PTER: variants seen among roughly 807,000 people sequenced by gnomAD.
PTER encodes the protein phosphotriesterase related.
PTER carries 38 observed loss-of-function variants against 29.6 expected under a neutral mutation model. That is an observed-to-expected ratio of 1.28 (90% CI 0.99 to 1.68). The LOEUF (loss-of-function observed/expected upper bound fraction) is 1.68. PTER is among the 40% of genes most tolerant of loss of function. The pLI, the probability that PTER is intolerant of heterozygous loss-of-function variation, is 0.00. For synonymous variants in PTER, 172 were observed against 154.5 expected (o/e 1.11, Z -0.84); for missense variants, 482 against 427.8 (o/e 1.13, Z -1.12).
intron 1 of PTER, among the ~76,000 whole-genome samples, chr10:16,478,061 T>A (rs891848793): frequency 1.3e-5 from 2 of 152,236 alleles, no homozygotes; most frequent in African/African-American, 2.4e-5. Flanking sequence ...TATGTTTCAC[T>A]CTCAGGAATA....
At position 16,512,507 on chromosome 10, in the gene PTER, T is replaced by C. The variant is rs913037689; in HGVS notation, c.*1251T>C. The stretch of plus-strand genomic sequence containing the variant: ...TTCTTGATGAAGAGTCTGTTTTTAA[T>C]CATAAAAATCATGACAGTTACTCAG... On this transcript the variant is annotated 3_prime_UTR_variant, in exon 5 of 5. Coordinates refer to ENST00000535784, the MANE Select transcript of PTER (RefSeq NM_001261836.2). 5.9e-5 allele frequency: 9 copies of C among 152,114 alleles called. No individual in the cohort carries two copies. Among genetic ancestry groups the C allele is most frequent in the African/African-American group, 2.2e-4 (9 of 41,444 alleles). The allele number at this position is 152,114 out of a possible 1,614,324, so 9.4% of individuals were successfully genotyped here.
chr10:16,446,065 G>A (rs892420731), intron 1 of PTER, among the ~76,000 whole-genome samples: 7 of 152,084 alleles, frequency 4.6e-5, no homozygotes, highest in East Asian at 1.9e-4. Flanking sequence ...CAGATATTTC[G>A]GAGCAGCTCA....
intron 1 of PTER, among the ~76,000 whole-genome samples, chr10:16,468,572 A>G (rs1298710298): frequency 6.6e-6 from 1 of 152,180 alleles, no homozygotes; most frequent in Non-Finnish European, 1.5e-5. Flanking sequence ...AAGCATCTAG[A>G]TGTTCGCTAA....
intron 1 of PTER, among the ~76,000 whole-genome samples, chr10:16,476,901 C>CTCTCTCTCT (rs1214090481): frequency 3.6e-4 from 36 of 100,368 alleles, no homozygotes; most frequent in African/African-American, 1.6e-3. Context: ...TCCTAGAATT[C>CTCTCTCTCT]TTTTTTTTTT....
chr10:16,471,287 C>T (rs1835044306), intron 1 of PTER, among the ~76,000 whole-genome samples: 1 of 152,104 alleles, frequency 6.6e-6, no homozygotes, highest in African/African-American at 2.4e-5. Flanking sequence ...CGTTGCCTGC[C>T]TGTGTGTTTT....
At chr10:16,462,539 G>A (rs1834652546) in intron 1 of PTER, among the ~76,000 whole-genome samples, 1 of 150,650 alleles carries the variant, frequency 6.6e-6, no homozygotes, top group Admixed American at 6.6e-5. Context: ...TTCCAGCCCT[G>A]CGATTTGTGC....
intron 1 of PTER, among the ~76,000 whole-genome samples, chr10:16,438,136 G>T (rs1348683302): frequency 6.6e-6 from 1 of 151,480 alleles, no homozygotes; most frequent in Non-Finnish European, 1.5e-5. Flanking sequence ...CTTCTGAGTG[G>T]CTGGGACTAC....
chr10:16,508,410 C>T (rs1836677468), intron 4 of PTER, among the ~76,000 whole-genome samples: 1 of 151,992 alleles, frequency 6.6e-6, no homozygotes, highest in Admixed American at 6.6e-5. Flanking sequence ...GGGAACTTTG[C>T]ACTCTGGATC....
intron 1 of PTER, among the ~76,000 whole-genome samples, chr10:16,459,216 A>T (rs966397348): frequency 2.6e-5 from 4 of 152,180 alleles, no homozygotes; most frequent in African/African-American, 9.7e-5. Context: ...CTTATCCAAG[A>T]GATTCCAGTT....
At chr10:16,518,337 A>G (rs932639956), downstream of PTER, among the ~76,000 whole-genome samples, 2 of 152,208 alleles carry the variant, frequency 1.3e-5, no homozygotes, top group South Asian at 2.1e-4. Context: ...GTTTACCACT[A>G]TAGATTTATT....
chr10:16,441,792 A>G (rs17320049), intron 1 of PTER, among the ~76,000 whole-genome samples: 18,587 of 152,178 alleles, frequency 0.12, 1,392 homozygotes, highest in South Asian at 0.26. Flanking sequence ...CCTTTTGCCA[A>G]TGGTGGTCTC....
At chr10:16,455,558 G>A (rs1038076832) in intron 1 of PTER, among the ~76,000 whole-genome samples, 2 of 152,032 alleles carry the variant, frequency 1.3e-5, no homozygotes, top group Non-Finnish European at 2.9e-5. Context: ...AAGTGAGATG[G>A]CATATTTCTG....
intron 4 of PTER, among the ~76,000 whole-genome samples, chr10:16,505,880 A>G (rs1836541723): frequency 6.6e-6 from 1 of 152,152 alleles, no homozygotes; most frequent in Non-Finnish European, 1.5e-5. Flanking sequence ...GTGAAGCCCT[A>G]AGATATGGTT....
chr10:16,491,634 T>C, intron 3 of PTER, among the ~76,000 whole-genome samples: 1 of 152,082 alleles, frequency 6.6e-6, no homozygotes. Flanking sequence ...AATCATTTCA[T>C]TTCCCCCATC....
At chr10:16,462,075 T>C (rs1329650142) in intron 1 of PTER, among the ~76,000 whole-genome samples, 1 of 151,192 alleles carries the variant, frequency 6.6e-6, no homozygotes, top group African/African-American at 2.4e-5. Context: ...AACCTCTGCC[T>C]CCCGGGTTCA....
At chr10:16,493,486 A>G (rs1334166662) in intron 3 of PTER, among the ~76,000 whole-genome samples, 14 of 152,010 alleles carry the variant, frequency 9.2e-5, no homozygotes, top group Admixed American at 9.2e-4. Context: ...TCCCAAGTTA[A>G]TTTTGAACTC....
intron 1 of PTER, among the ~76,000 whole-genome samples, chr10:16,455,437 T>C (rs1412779338): frequency 1.3e-5 from 2 of 152,062 alleles, no homozygotes; most frequent in Admixed American, 6.5e-5. Flanking sequence ...ATGCCTATAA[T>C]CCTAACACTT....
At chr10:16,451,882 C>A (rs1270514777) in intron 1 of PTER, among the ~76,000 whole-genome samples, 2 of 151,984 alleles carry the variant, frequency 1.3e-5, no homozygotes, top group African/African-American at 2.4e-5. Context: ...TGTTGCTAAG[C>A]CCTTTAATTT....
Position 16,511,448 on chromosome 10 carries a change from T to A in PTER, c.*192T>A. 1.7e-6 allele frequency: 1 copy of A among 585,650 alleles called. No homozygotes were observed. Among genetic ancestry groups the A allele is most frequent in the Non-Finnish European group, 3.0e-6 (1 of 329,526 alleles). 36.3% of individuals were successfully genotyped at this position (585,650 alleles called of 1,614,324 possible). On this transcript the variant is annotated 3_prime_UTR_variant, in exon 5 of 5. Coordinates refer to ENST00000535784, the MANE Select transcript of PTER (RefSeq NM_001261836.2). ...TGTGCCTCTAGGGAGTTACTCAGCC[T>A]AATTGAGCCCTATTATTTTAACTTA...
Sources: allele counts gnomAD v4.1 joint callset (sites outside exome capture counted in the v4.1 genomes callset), GRCh38; gene constraint gnomAD v4.1.1; transcripts MANE v1.5; gene names NCBI Gene and HGNC (gene_info 2026-07-23, HGNC 2026-07-21).